Variants in PTPRK observed in about 807,000 individuals in gnomAD.
The protein encoded by PTPRK is receptor-type tyrosine-protein phosphatase kappa.
A neutral mutation model predicts 178.0 loss-of-function variants in PTPRK; 75 were observed. The ratio of observed to expected loss-of-function variants is 0.42; its 90% CI spans 0.35 to 0.51. The LOEUF is 0.51. Among genes scored for constraint, PTPRK ranks in the 20% least tolerant of loss-of-function variants. The pLI is 0.02. For missense variants in PTPRK, 1,441 were observed against 1,797.8 expected (o/e 0.80, Z 3.59); for synonymous variants, 637 against 620.6 (o/e 1.03, Z -0.39).
At chr6:128,201,807 G>A (rs930166983) in intron 6 of PTPRK, among the ~76,000 whole-genome samples, 10 of 152,018 alleles carry the variant, frequency 6.6e-5, no homozygotes, top group African/African-American at 1.9e-4. Context: ...GTTAAAAATA[G>A]CAGTCAAGCA....
At chr6:128,266,690 A>T (rs966343978) in intron 3 of PTPRK, among the ~76,000 whole-genome samples, 3 of 152,132 alleles carry the variant, frequency 2.0e-5, no homozygotes, top group African/African-American at 7.2e-5. Context: ...ACATCTAAGC[A>T]CACACAATGC....
intron 1 of PTPRK, among the ~76,000 whole-genome samples, chr6:128,431,180 C>T (rs993225299): frequency 3.9e-5 from 6 of 152,032 alleles, no homozygotes; most frequent in East Asian, 1.9e-4. Flanking sequence ...TCAAGTGATC[C>T]GCCCACCTCG....
intron 7 of PTPRK, among the ~76,000 whole-genome samples, chr6:128,118,024 A>C (rs1410978401): frequency 6.6e-6 from 1 of 152,164 alleles, no homozygotes; most frequent in Non-Finnish European, 1.5e-5. Context: ...AGAACCAATA[A>C]ATGCACAAAC....
chr6:128,002,545 A>C lies in PTPRK; in HGVS notation c.2494+2539T>G, dbSNP rs77646764. On this transcript the variant is annotated intron_variant, in intron 15 of 29. Coordinates refer to ENST00000368226, the MANE Select transcript of PTPRK (RefSeq NM_002844.4). The stretch of plus-strand genomic sequence containing the variant: ...ATAGGTAGGTTTAAAAATTAATATA[A>C]TTTTACATCTGTAAAAGCGTTAATT... Among the ~76,000 whole-genome samples, 1,058 of 151,984 alleles carry C rather than the reference A, an allele frequency of 7.0e-3. 10 individuals carry two copies. Among genetic ancestry groups the C allele is most frequent in the African/African-American group, 0.025 (1,022 of 41,494 alleles).
At chr6:128,433,459 T>C (rs1845102781) in intron 1 of PTPRK, among the ~76,000 whole-genome samples, 1 of 152,192 alleles carries the variant, frequency 6.6e-6, no homozygotes, top group South Asian at 2.1e-4. Context: ...CCGGATTTCA[T>C]TCTTTTTATT....
intron 2 of PTPRK, among the ~76,000 whole-genome samples, chr6:128,329,968 C>G (rs947043437): frequency 3.3e-5 from 5 of 152,168 alleles, no homozygotes; most frequent in African/African-American, 1.2e-4. Flanking sequence ...ATTCTATCCT[C>G]ATAAGAAAAG....
At chr6:128,085,436 C>A (rs1304057699) in intron 8 of PTPRK, among the ~76,000 whole-genome samples, 1 of 152,174 alleles carries the variant, frequency 6.6e-6, no homozygotes, top group Non-Finnish European at 1.5e-5. Flanking sequence ...AAAGATATTT[C>A]TTCATCCTTA....
intron 7 of PTPRK, among the ~76,000 whole-genome samples, chr6:128,094,896 T>C (rs1268007498): frequency 6.6e-6 from 1 of 150,544 alleles, no homozygotes; most frequent in Non-Finnish European, 1.5e-5. Flanking sequence ...AAAAGAGAAA[T>C]GGAGAGAAGA....
At chr6:128,455,196 C>T (rs188548690) in intron 1 of PTPRK, among the ~76,000 whole-genome samples, 214 of 151,892 alleles carry the variant, frequency 1.4e-3, no homozygotes, top group Admixed American at 2.4e-3. Flanking sequence ...CAGGTGTTGC[C>T]CACAAGTCAT....
At chr6:128,323,033 T>G (rs548635888) in intron 2 of PTPRK, among the ~76,000 whole-genome samples, 3 of 152,106 alleles carry the variant, frequency 2.0e-5, no homozygotes, top group African/African-American at 7.2e-5. Context: ...CCCAGTTCTG[T>G]AACAGTCCCT....
intron 7 of PTPRK, among the ~76,000 whole-genome samples, chr6:128,174,901 T>G (rs1225626553): frequency 6.6e-6 from 1 of 151,902 alleles, no homozygotes; most frequent in African/African-American, 2.4e-5. Flanking sequence ...CCTGCATGTC[T>G]ACCTTCTAAC....
At chr6:128,418,157 G>A (rs1254303803) in intron 1 of PTPRK, among the ~76,000 whole-genome samples, 3 of 152,124 alleles carry the variant, frequency 2.0e-5, no homozygotes, top group Non-Finnish European at 4.4e-5. Flanking sequence ...AATCCATTAG[G>A]TGTTAATTTT....
At position 128,397,477 on chromosome 6, in the gene PTPRK, T is replaced by C. The variant is rs1840466991; in HGVS notation, c.223+89A>G. ...ACAATAATTTAGCTTATTATAACCA[T>C]TAAATTATTGTTGTTACACTTTAAA... is the stretch of plus-strand genomic sequence containing the variant. On this transcript the variant is annotated intron_variant, in intron 2 of 29. Transcript: ENST00000368226. 3.3e-6 allele frequency: 5 copies of C among 1,492,698 alleles called. No homozygotes were observed. The Admixed American group carries it at 5.3e-5, about 16-fold the overall frequency. The allele number at this position is 1,492,698 out of a possible 1,614,324, so 92.5% of individuals were successfully genotyped here. A position where few individuals can be genotyped will look rare whatever the true frequency, so the allele number is the denominator to read the frequency against.
At chr6:128,508,553 T>C (rs1045342714) in intron 1 of PTPRK, among the ~76,000 whole-genome samples, 3 of 152,164 alleles carry the variant, frequency 2.0e-5, no homozygotes, top group Non-Finnish European at 2.9e-5. Flanking sequence ...ATATTGAATA[T>C]CTGGAGGAAA....
intron 1 of PTPRK, among the ~76,000 whole-genome samples, chr6:128,439,081 A>T (rs1031672778): frequency 1.3e-5 from 2 of 152,178 alleles, no homozygotes; most frequent in Non-Finnish European, 1.5e-5. Context: ...AATTGTTTTT[A>T]AAAAAACGGA....
chr6:128,238,284 C>A, intron 5 of PTPRK: 6 of 339,926 alleles, frequency 1.8e-5, no homozygotes, highest in South Asian at 9.1e-5. Context: ...ATCTTTGCTA[C>A]AAAAATGGCA....
chr6:128,077,479 A>G (rs1481756597), intron 11 of PTPRK, among the ~76,000 whole-genome samples: 2 of 152,030 alleles, frequency 1.3e-5, no homozygotes, highest in African/African-American at 4.8e-5. Context: ...CATTTCTTAA[A>G]TTAAGAAAAA....
chr6:128,354,231 GTTTTTTTTTT>G (rs756148554), intron 2 of PTPRK, among the ~76,000 whole-genome samples: 3 of 49,358 alleles, frequency 6.1e-5, no homozygotes, highest in African/African-American at 9.4e-5. Flanking sequence ...TTTTGTTTAT[GTTTTTTTTTT>G]TTTTTTTTTT....
At position 127,969,484 on chromosome 6, in the gene PTPRK, A is replaced by C; in HGVS notation, c.*743T>G. The C allele has an allele frequency of 6.6e-6, 1 of 152,192 alleles. No individual in the cohort carries two copies. The highest frequency in any genetic ancestry group is 1.9e-4 in the East Asian group (1 of 5,198). 9.4% of individuals were successfully genotyped at this position (152,192 alleles called of 1,614,324 possible). Reference sequence around the variant, plus strand: ...TCTTCTACTTACACTAAAACATACAAAAAATAATCTACAAAAATCGTTTAC... The same window carrying C: ...TCTTCTACTTACACTAAAACATACACAAAATAATCTACAAAAATCGTTTAC... On this transcript the variant is annotated 3_prime_UTR_variant, in exon 30 of 30. Transcript: ENST00000368226.
Sources: allele counts gnomAD v4.1 joint callset (sites outside exome capture counted in the v4.1 genomes callset), GRCh38; gene constraint gnomAD v4.1.1; transcripts MANE v1.5; gene names NCBI Gene and HGNC (gene_info 2026-07-23, HGNC 2026-07-21).